ADARB2: variants seen among roughly 807,000 people sequenced by gnomAD.
ADARB2 encodes adenosine deaminase RNA specific B2 (inactive).
ADARB2 carries 25 observed loss-of-function variants against 62.2 expected under a neutral mutation model. The observed-to-expected ratio is 0.40, with a 90% confidence interval of 0.29 to 0.56. The LOEUF (loss-of-function observed/expected upper bound fraction) is 0.56. Ranked by LOEUF, ADARB2 falls within the 20% of genes least tolerant of loss-of-function variation. The probability of loss-of-function intolerance (pLI) is 0.43; values close to 1 mark genes in which losing one functional copy is unlikely to be tolerated. For missense variants in ADARB2, 1,071 were observed against 1,077.4 expected, an observed-to-expected ratio of 0.99 and a Z score of 0.08; for synonymous variants, 572 against 500.8, an observed-to-expected ratio of 1.14 and a Z score of -1.90.
chr10:1,624,612 A>G (rs1201933252), intron 1 of ADARB2, among the ~76,000 whole-genome samples: 8 of 152,232 alleles, frequency 5.3e-5, no homozygotes, highest in African/African-American at 1.4e-4. Flanking sequence ...TGAAAATAAC[A>G]TTGATGGATA....
At position 1,275,521 on chromosome 10, in the gene ADARB2, TTTTAA is replaced by T. The variant is rs1169764614; in HGVS notation, c.1078-4457_1078-4453del. Reference sequence around the variant, plus strand: ...TTCTTTCTTTCCTTCTTTTCTTTTTTTTTAATTTAAGTTTTAGGGTACATGTGCAC... The same window carrying T: ...TTCTTTCTTTCCTTCTTTTCTTTTTTTTTAAGTTTTAGGGTACATGTGCAC... On this transcript the variant is annotated intron_variant, in intron 3 of 9. Coordinates refer to ENST00000381312, the MANE Select transcript of ADARB2 (RefSeq NM_018702.4). Among the ~76,000 whole-genome samples the T allele has an allele frequency of 1.5e-3, 234 of 152,150 alleles. 3 individuals are homozygous for T. The highest frequency in any genetic ancestry group is 4.8e-3 in the Admixed American group (74 of 15,278).
chr10:1,265,077 G>A (rs1831181270), intron 4 of ADARB2, among the ~76,000 whole-genome samples: 1 of 152,160 alleles, frequency 6.6e-6, no homozygotes, highest in South Asian at 2.1e-4. Context: ...GCTTCCAAAA[G>A]GAACCTGGAA....
intron 1 of ADARB2, among the ~76,000 whole-genome samples, chr10:1,507,802 C>A (rs910457256): frequency 6.6e-6 from 1 of 152,116 alleles, no homozygotes; most frequent in Non-Finnish European, 1.5e-5. Flanking sequence ...GGCACGTACA[C>A]GGGGAGAACT....
At chr10:1,546,397 C>T (rs1034417544) in intron 1 of ADARB2, among the ~76,000 whole-genome samples, 2 of 152,218 alleles carry the variant, frequency 1.3e-5, no homozygotes, top group Non-Finnish European at 2.9e-5. Context: ...TCCCGTGCTT[C>T]CGTTACCACT....
chr10:1,466,663 T>C (rs1369155439), intron 1 of ADARB2, among the ~76,000 whole-genome samples: 2 of 152,194 alleles, frequency 1.3e-5, no homozygotes, highest in African/African-American at 4.8e-5. Context: ...CCAAAGGCTC[T>C]GCCGTGGGGA....
intron 1 of ADARB2, among the ~76,000 whole-genome samples, chr10:1,401,884 G>C (rs558434161): frequency 3.3e-5 from 5 of 152,186 alleles, no homozygotes; most frequent in Non-Finnish European, 7.3e-5. Flanking sequence ...TTCCACGAGC[G>C]TGTACTTGTG....
chr10:1,303,713 G>A (rs1158525334), intron 3 of ADARB2, among the ~76,000 whole-genome samples: 117 of 147,396 alleles, frequency 7.9e-4, no homozygotes, highest in African/African-American at 2.1e-3. Flanking sequence ...AAGAGAGTGG[G>A]GACCAATATT....
chr10:1,385,788 C>G (rs1191885872), intron 1 of ADARB2, among the ~76,000 whole-genome samples: 1 of 152,124 alleles, frequency 6.6e-6, no homozygotes, highest in Non-Finnish European at 1.5e-5. Context: ...CCAAGTATCT[C>G]AATCAAACTT....
intron 6 of ADARB2, among the ~76,000 whole-genome samples, chr10:1,228,860 C>G (rs11250350): frequency 3.3e-5 from 5 of 152,236 alleles, no homozygotes; most frequent in Non-Finnish European, 5.9e-5. Flanking sequence ...CAAGCCCTTT[C>G]TACAAAGCCA....
In ADARB2 at chr10:1,219,982, GTGGTGATGA is replaced by G. The variant is rs1171979748; in HGVS notation, c.1514-2872_1514-2864del. ...GTGGTGGTGATGGATGATGGTGATG[GTGGTGATGA>G]TGGTGATGATGATGGTAATGGTGAT... On this transcript the variant is annotated intron_variant, in intron 6 of 9. Transcript: ENST00000381312. Among the ~76,000 whole-genome samples, 239 of 136,250 alleles carry G rather than the reference GTGGTGATGA, an allele frequency of 1.8e-3. 2 individuals carry two copies. The highest frequency in any genetic ancestry group is 5.9e-3 in the African/African-American group (213 of 35,922). The allele number at this position is 136,250 out of a possible 152,430, so 89.4% of individuals were successfully genotyped here.
chr10:1,326,840 G>T (rs369139203), intron 3 of ADARB2, among the ~76,000 whole-genome samples: 7,849 of 22,062 alleles, frequency 0.36, 1,923 homozygotes, highest in Non-Finnish European at 0.44. Context: ...GCCTCCCCAC[G>T]GCCCAGCGCC....
intron 1 of ADARB2, among the ~76,000 whole-genome samples, chr10:1,624,977 A>G (rs1833748889): frequency 6.6e-6 from 1 of 152,156 alleles, no homozygotes; most frequent in Non-Finnish European, 1.5e-5. Context: ...AAAATAAATT[A>G]AACATATATA....
chr10:1,589,183 C>T (rs1833216321), intron 1 of ADARB2, among the ~76,000 whole-genome samples: 1 of 152,222 alleles, frequency 6.6e-6, no homozygotes, highest in Non-Finnish European at 1.5e-5. Context: ...CTGAATTCTG[C>T]CACATTTGTG....
intron 1 of ADARB2, among the ~76,000 whole-genome samples, chr10:1,430,437 A>G (rs1830767012): frequency 1.3e-5 from 2 of 152,248 alleles, no homozygotes; most frequent in African/African-American, 4.8e-5. Context: ...AATTAAAGAC[A>G]GAGATTGGCT....
chr10:1,266,583 A>G (rs888250577), intron 4 of ADARB2, among the ~76,000 whole-genome samples: 45 of 152,050 alleles, frequency 3.0e-4, no homozygotes, highest in Non-Finnish European at 2.1e-4. Context: ...CCGCCTTCCC[A>G]TCTGGGCGGG....
intron 2 of ADARB2, among the ~76,000 whole-genome samples, chr10:1,368,555 G>C (rs954268538): frequency 3.3e-5 from 5 of 152,158 alleles, no homozygotes; most frequent in Non-Finnish European, 7.3e-5. Context: ...AGCTGTGGCT[G>C]GGGTTGCGTC....
In ADARB2 at chr10:1,243,132, G is replaced by A. The variant is rs1193708679; in HGVS notation, c.1193-833C>T. ...CCTAGGGAGTCCGTGTCATTAGACGGGTCAGTGTTGCCGATCCAATAACAA... is the reference window on the plus strand; with the variant it reads ...CCTAGGGAGTCCGTGTCATTAGACGAGTCAGTGTTGCCGATCCAATAACAA... On this transcript the variant is annotated intron_variant, in intron 4 of 9. Transcript: ENST00000381312. Among the ~76,000 whole-genome samples the A allele has an allele frequency of 2.0e-5, 3 of 152,156 alleles. No individual in the cohort carries two copies. The East Asian group carries it at 5.8e-4, about 29-fold the overall frequency.
chr10:1,269,229 A>C (rs1424736307), intron 4 of ADARB2, among the ~76,000 whole-genome samples: 1 of 152,078 alleles, frequency 6.6e-6, no homozygotes, highest in Non-Finnish European at 1.5e-5. Context: ...AAAATTTACC[A>C]AAGTTTTGTT....
At position 1,239,881 on chromosome 10, in the gene ADARB2, T is replaced by TACTCCCCTCTCCCTCCCGGTGTTC. The variant is rs1830891758; in HGVS notation, c.1361+2226_1361+2249dup. Among the ~76,000 whole-genome samples, 13 of 11,414 alleles carry TACTCCCCTCTCCCTCCCGGTGTTC rather than the reference T, an allele frequency of 1.1e-3. 2 individuals carry two copies. Among genetic ancestry groups the TACTCCCCTCTCCCTCCCGGTGTTC allele is most frequent in the East Asian group, 4.4e-3 (1 of 226 alleles). The allele number at this position is 11,414 out of a possible 152,430, so 7.5% of individuals were successfully genotyped here. ...TTACTCCCCTCTCCCTCCCGGTGTTTACTCCCCTCTCCCTCCCGGTGTTCA... is the reference window on the plus strand; with the variant it reads ...TTACTCCCCTCTCCCTCCCGGTGTTTACTCCCCTCTCCCTCCCGGTGTTCACTCCCCTCTCCCTCCCGGTGTTCA... On this transcript the variant is annotated intron_variant, in intron 5 of 9. Transcript: ENST00000381312.
Sources: allele counts gnomAD v4.1 joint callset (sites outside exome capture counted in the v4.1 genomes callset), GRCh38; gene constraint gnomAD v4.1.1; transcripts MANE v1.5; gene names NCBI Gene and HGNC (gene_info 2026-07-23, HGNC 2026-07-21).